Variants in DDX31 observed in about 807,000 individuals in gnomAD.
The protein encoded by DDX31 is ATP-dependent DNA helicase DDX31.
Under a neutral mutation model 91.3 loss-of-function variants are expected in DDX31, and 70 were observed. The ratio of observed to expected loss-of-function variants is 0.77; its 90% CI spans 0.63 to 0.94. The LOEUF is 0.94. DDX31 is among the 40% of genes least tolerant of loss of function. DDX31 has a pLI of 0.00. For synonymous variants in DDX31, 362 were observed against 350.6 expected (o/e 1.03, Z -0.36); for missense variants, 902 against 925.0 (o/e 0.98, Z 0.32).
intron 16 of DDX31, among the ~76,000 whole-genome samples, chr9:132,625,999 C>T (rs999517970): frequency 3.3e-5 from 5 of 152,078 alleles, no homozygotes; most frequent in African/African-American, 1.2e-4. Flanking sequence ...TTAGAATTTC[C>T]TTAATAGAGA....
rs1032449328 is a variant in DDX31 at position 132,662,600 on chromosome 9, A to C, written c.171T>G (p.Thr57=). ...NETSFLPAKK[T]SVKETQRTFK... is the part of the protein sequence containing the mutation. ...AAGTCCTCTGAGTTTCTTTAACACT[A>C]GTTTTCTTGGCTGGGAGAAATGAAG... Residue 57 remains threonine, a synonymous_variant, in exon 2 of 20, where the codon ACT becomes ACG. Transcript: ENST00000372159. The C allele has an allele frequency of 1.2e-6, 2 of 1,614,140 alleles. No individual in the cohort carries two copies. The highest frequency in any genetic ancestry group is 1.7e-6 in the Non-Finnish European group (2 of 1,180,012).
In DDX31 at chr9:132,662,339, G is replaced by A; in HGVS notation, c.333-3C>T. The A allele has an allele frequency of 6.2e-7, 1 of 1,614,194 alleles. No individual in the cohort carries two copies. Among genetic ancestry groups the A allele is most frequent in the Non-Finnish European group, 8.5e-7 (1 of 1,180,028 alleles). On this transcript the variant is annotated splice_region_variant and splice_polypyrimidine_tract_variant and intron_variant, in intron 2 of 19. Coordinates refer to ENST00000372159, the MANE Select transcript of DDX31 (RefSeq NM_022779.9). ...CTTGCACCTGCTTTACCACAGGTCT[G>A]CAAATGATGAACAAGAACCCAGGCA...
At position 132,637,652 on chromosome 9, in the gene DDX31, G is replaced by A. The variant is rs150567202; in HGVS notation, c.1440+4352C>T. 8.9e-3 allele frequency among the ~76,000 whole-genome samples: 1,357 copies of A among 152,290 alleles called. 17 individuals are homozygous for A. The highest frequency in any genetic ancestry group is 0.032 in the African/African-American group (1,316 of 41,552). On this transcript the variant is annotated intron_variant, in intron 14 of 19. Transcript: ENST00000372159. ...AGCAGGGTCCAGGCCCCCGTTGTCCGGGTGACAGATTGGGCTGCGTAATCA... is the reference window on the plus strand; with the variant it reads ...AGCAGGGTCCAGGCCCCCGTTGTCCAGGTGACAGATTGGGCTGCGTAATCA...
rs1441857089 is a variant in DDX31, at chr9:132,593,490, T to C, written c.*1376A>G. On this transcript the variant is annotated 3_prime_UTR_variant, in exon 20 of 20. Transcript: ENST00000372159. ...GTGCTGCAGGGTTGTTGTTTTTTAA[T>C]TATTATTGTTAGAAACGTCACCCAC... 1.3e-5 allele frequency: 2 copies of C among 152,188 alleles called. No homozygotes were observed. The highest frequency in any genetic ancestry group is 4.8e-5 in the African/African-American group (2 of 41,454). The allele number at this position is 152,188 out of a possible 1,614,324, so 9.4% of individuals were successfully genotyped here.
At chr9:132,616,016 G>C (rs1398659073) in intron 18 of DDX31, among the ~76,000 whole-genome samples, 3 of 152,246 alleles carry the variant, frequency 2.0e-5, no homozygotes, top group Non-Finnish European at 2.9e-5. Context: ...TGCATATGCA[G>C]ATTGAAATGC....
intron 19 of DDX31, among the ~76,000 whole-genome samples, chr9:132,600,241 G>A (rs1215320197): frequency 6.6e-6 from 1 of 152,244 alleles, no homozygotes; most frequent in Non-Finnish European, 1.5e-5. Context: ...TGGTAGAGAA[G>A]TATGCTGGCA....
chr9:132,624,491 T>G (rs1166780374), intron 17 of DDX31, among the ~76,000 whole-genome samples: 1 of 152,232 alleles, frequency 6.6e-6, no homozygotes, highest in Non-Finnish European at 1.5e-5. Flanking sequence ...CTCAATTATC[T>G]TGGTTTAGTT....
At chr9:132,656,739 C>CTAGAA (rs1834593291) in intron 6 of DDX31, among the ~76,000 whole-genome samples, 1 of 152,204 alleles carries the variant, frequency 6.6e-6, no homozygotes, top group Non-Finnish European at 1.5e-5. Context: ...TAGGCTAGAA[C>CTAGAA]TGTATAAGCC....
At chr9:132,603,908 A>T (rs1304120936) in intron 19 of DDX31, among the ~76,000 whole-genome samples, 1 of 152,060 alleles carries the variant, frequency 6.6e-6, no homozygotes, top group Non-Finnish European at 1.5e-5. Flanking sequence ...GGTGGGGAGG[A>T]GGGTGCGTTT....
chr9:132,606,701 A>G (rs1428629507), intron 19 of DDX31, among the ~76,000 whole-genome samples: 1 of 152,184 alleles, frequency 6.6e-6, no homozygotes, highest in Non-Finnish European at 1.5e-5. Flanking sequence ...GTCCAGAGGC[A>G]CACAGACTGT....
intron 19 of DDX31, among the ~76,000 whole-genome samples, chr9:132,611,345 T>G (rs556139796): frequency 4.3e-4 from 65 of 152,048 alleles, no homozygotes; most frequent in African/African-American, 1.5e-3. Flanking sequence ...CTGACATGAG[T>G]GGCTCACAGG....
chr9:132,668,930 G>T (rs1835508699), intron 1 of DDX31, among the ~76,000 whole-genome samples: 1 of 152,138 alleles, frequency 6.6e-6, no homozygotes, highest in African/African-American at 2.4e-5. Context: ...GAAATACACT[G>T]GTTTTGTCCA....
At chr9:132,611,845 A>G (rs576078478) in intron 19 of DDX31, among the ~76,000 whole-genome samples, 77 of 152,194 alleles carry the variant, frequency 5.1e-4, no homozygotes, top group Non-Finnish European at 7.8e-4. Flanking sequence ...GGCGGACCGC[A>G]GCACAACTGA....
chr9:132,647,981 TG>T (rs1393893733), intron 11 of DDX31, among the ~76,000 whole-genome samples: 1 of 152,072 alleles, frequency 6.6e-6, no homozygotes, highest in Non-Finnish European at 1.5e-5. Flanking sequence ...CCCCATGCCC[TG>T]GGGAACATAT....
chr9:132,652,388 T>G, intron 7 of DDX31, 60 bp downstream of exon 7: 1 of 1,605,858 alleles, frequency 6.2e-7, no homozygotes, highest in Admixed American at 1.7e-5. Flanking sequence ...ACTTTTAAAT[T>G]CAACGGGACA....
intron 18 of DDX31, among the ~76,000 whole-genome samples, chr9:132,616,585 A>G (rs1273028933): frequency 6.6e-6 from 1 of 152,176 alleles, no homozygotes; most frequent in African/African-American, 2.4e-5. Context: ...CAGCAGCACA[A>G]CACCTTGTTA....
rs750060351 is a variant in DDX31, at chr9:132,612,236, TTGGA to T, written c.1841_1844del (p.Ile614LysfsTer10). The T allele has an allele frequency of 2.5e-6, 4 of 1,614,060 alleles. No individual in the cohort carries two copies. Among genetic ancestry groups the T allele is most frequent in the Non-Finnish European group, 2.5e-6 (3 of 1,180,012 alleles). ...GCTCCCTGGGGTAGGTGGCGTAGGC[TTGGA>T]TGAAGGACTGCAGAGCTGAAAGAAA... On this transcript the variant is annotated frameshift_variant, in exon 19 of 20. Coordinates refer to ENST00000372159, the MANE Select transcript of DDX31 (RefSeq NM_022779.9). LOFTEE classifies it high-confidence loss of function.
chr9:132,629,995 C>T (rs1832622044), intron 16 of DDX31, among the ~76,000 whole-genome samples: 1 of 152,230 alleles, frequency 6.6e-6, no homozygotes, highest in Non-Finnish European at 1.5e-5. Context: ...GCACACTTAT[C>T]TTGCAGCAGG....
chr9:132,611,759 G>A (rs556317129), intron 19 of DDX31, among the ~76,000 whole-genome samples: 1 of 152,148 alleles, frequency 6.6e-6, no homozygotes, highest in African/African-American at 2.4e-5. Context: ...CCATCTCACT[G>A]GAACAAGGTA....
Sources: allele counts gnomAD v4.1 joint callset (sites outside exome capture counted in the v4.1 genomes callset), GRCh38; gene constraint gnomAD v4.1.1; transcripts MANE v1.5; gene names NCBI Gene and HGNC (gene_info 2026-07-23, HGNC 2026-07-21).